Variants in PCDH11X observed in about 807,000 individuals in gnomAD.
PCDH11X encodes protocadherin 11 X-linked.
PCDH11X carries 18 observed loss-of-function variants against 53.3 expected under a neutral mutation model. The observed-to-expected ratio is 0.34, with a 90% CI of 0.23 to 0.50. The LOEUF (loss-of-function observed/expected upper bound fraction) is 0.50, where lower values mean the gene tolerates loss of function less well. Ranked by LOEUF, PCDH11X falls within the 20% of genes least tolerant of loss-of-function variation. PCDH11X has a pLI of 0.98. For missense variants in PCDH11X, 570 were observed against 1,032.4 expected (o/e 0.55, Z 6.14); for synonymous variants, 279 against 393.3 (o/e 0.71, Z 3.44).
chrX:91,786,902 T>C (rs1935353740), intron 1 of PCDH11X, among the ~76,000 whole-genome samples: 1 of 111,511 alleles, frequency 9.0e-6, no homozygotes, highest in East Asian at 2.8e-4. Context: ...ATATAATGTG[T>C]CTTGGATTAA....
Position 91,809,151 on chromosome X carries a change from CA to C in PCDH11X, c.-378-311del, listed in dbSNP as rs779774453. On this transcript the variant is annotated intron_variant, in intron 1 of 10. Coordinates refer to ENST00000682573, the MANE Select transcript of PCDH11X (RefSeq NM_032968.5). ...CTAACTTCTTCAGTCATTCACACTT[CA>C]AAAGCTTTGGACTATTTCCTCTTCC... 7.4e-3 allele frequency among the ~76,000 whole-genome samples: 815 copies of C among 110,422 alleles called. 12 individuals are homozygous for C. The highest frequency in any genetic ancestry group is 0.023 in the African/African-American group (682 of 30,294).
chrX:91,944,087 A>G (rs1255931669), intron 6 of PCDH11X, among the ~76,000 whole-genome samples: 3 of 85,799 alleles, frequency 3.5e-5, no homozygotes, highest in Admixed American at 3.4e-4. Flanking sequence ...TCAGTGCTTA[A>G]TAACAGACTT....
intron 9 of PCDH11X, among the ~76,000 whole-genome samples, chrX:92,467,966 C>T (rs2073188467): frequency 9.0e-6 from 1 of 111,362 alleles, no homozygotes; most frequent in African/African-American, 3.3e-5. Context: ...CTGTACTTAG[C>T]CATCACAGGC....
chrX:92,076,528 G>A (rs1345790044), intron 6 of PCDH11X, among the ~76,000 whole-genome samples: 7 of 110,775 alleles, frequency 6.3e-5, no homozygotes, highest in Non-Finnish European at 1.3e-4. Context: ...TAGAATAGAC[G>A]TGTTAAATGG....
At chrX:92,149,529 A>G (rs747362236) in intron 6 of PCDH11X, among the ~76,000 whole-genome samples, 1 of 107,130 alleles carries the variant, frequency 9.3e-6, no homozygotes, top group South Asian at 4.1e-4. Context: ...CATAATCACA[A>G]ACCAAATTCC....
chrX:92,575,967 A>T (rs1318563741), intron 10 of PCDH11X, among the ~76,000 whole-genome samples: 3 of 64,774 alleles, frequency 4.6e-5, no homozygotes, highest in Non-Finnish European at 8.4e-5. Flanking sequence ...ACACACACAC[A>T]CACCTGGGGT....
intron 7 of PCDH11X, 63 bp downstream of exon 7, chrX:92,201,518 A>G: frequency 1.4e-6 from 1 of 705,731 alleles, no homozygotes; most frequent in South Asian, 2.7e-5. Flanking sequence ...ATAAATGTAT[A>G]AGGAATACTC....
At chrX:91,892,773 C>G (rs1370389568) in intron 6 of PCDH11X, among the ~76,000 whole-genome samples, 1 of 107,560 alleles carries the variant, frequency 9.3e-6, no homozygotes, top group African/African-American at 3.4e-5. Context: ...ACGATCTTGG[C>G]TCACGGCAAC....
intron 6 of PCDH11X, among the ~76,000 whole-genome samples, chrX:91,959,477 C>A (rs1263660513): frequency 1.8e-5 from 2 of 110,296 alleles, no homozygotes; most frequent in African/African-American, 6.6e-5. Flanking sequence ...CATCCACCAT[C>A]CTATTCTGTT....
chrX:92,543,114 T>G (rs2074784690), intron 10 of PCDH11X, among the ~76,000 whole-genome samples: 1 of 105,364 alleles, frequency 9.5e-6, no homozygotes, highest in South Asian at 4.4e-4. Context: ...TTTCTACAAG[T>G]ATTTAAAAAA....
intron 8 of PCDH11X, among the ~76,000 whole-genome samples, chrX:92,336,435 G>A (rs1225016680): frequency 8.9e-6 from 1 of 111,801 alleles, no homozygotes; most frequent in African/African-American, 3.2e-5. Flanking sequence ...ACTGTTTATT[G>A]CATATATGTG....
intron 8 of PCDH11X, among the ~76,000 whole-genome samples, chrX:92,273,658 G>A (rs1569450454): frequency 9.0e-6 from 1 of 111,000 alleles, no homozygotes; most frequent in Admixed American, 9.6e-5. Context: ...GGAACCTAGA[G>A]TGGGAGAGAT....
Position 92,288,029 on chromosome X carries a change from G to A in PCDH11X, c.3144+24886G>A, listed in dbSNP as rs1161452773. On this transcript the variant is annotated intron_variant, in intron 8 of 10. Coordinates refer to ENST00000682573, the MANE Select transcript of PCDH11X (RefSeq NM_032968.5). ...TAAGTTTCCTGAGGCTTCCCTAGAA[G>A]CATAAACCTGTATAGCCTGCAAAAC... The A allele has an allele frequency of 1.2e-5, 6 of 514,761 alleles. No homozygotes were observed. The South Asian group carries it at 1.5e-4, about 13-fold the overall frequency. 42.4% of individuals were successfully genotyped at this position (514,761 alleles called of 1,213,427 possible). A position where few individuals can be genotyped will look rare whatever the true frequency, so the allele number is the denominator to read the frequency against.
intron 10 of PCDH11X, among the ~76,000 whole-genome samples, chrX:92,576,713 TTTTG>T (rs1172671895): frequency 8.7e-4 from 95 of 109,249 alleles, no homozygotes; most frequent in African/African-American, 3.1e-3. Context: ...AATGCCTTAA[TTTTG>T]TTTGCCTGTT....
intron 6 of PCDH11X, among the ~76,000 whole-genome samples, chrX:92,155,842 A>T (rs1364343464): frequency 9.4e-6 from 1 of 106,724 alleles, no homozygotes; most frequent in Non-Finnish European, 1.9e-5. Context: ...ATTTGCCAGG[A>T]TGGTCTCGAT....
At chrX:91,844,094 G>A (rs1008872277) in intron 5 of PCDH11X, among the ~76,000 whole-genome samples, 11 of 111,357 alleles carry the variant, frequency 9.9e-5, no homozygotes, top group Non-Finnish European at 1.9e-4. Context: ...AATAGTTATG[G>A]GTTTTACTCT....
At chrX:92,533,649 G>T (rs1004164845) in intron 10 of PCDH11X, among the ~76,000 whole-genome samples, 1 of 103,553 alleles carries the variant, frequency 9.7e-6, no homozygotes, top group Admixed American at 1.1e-4. Context: ...TTGCTAATTT[G>T]CTCTCTCAAA....
rs193242706 is a variant in PCDH11X, at chrX:92,194,855, A to G, written c.3034-6520A>G. On this transcript the variant is annotated intron_variant, in intron 6 of 10. Transcript: ENST00000682573. ...ACTGTGAATATTTCAACATGTCCAG[A>G]TAATCTGTGTGAAAAGCATTGTTCT... Among the ~76,000 whole-genome samples, 3 of 111,299 alleles carry G rather than the reference A, an allele frequency of 2.7e-5. No individual in the cohort carries two copies. In the East Asian group the frequency reaches 8.5e-4, roughly 32 times the overall value.
chrX:92,172,978 A>G (rs2065847350), intron 6 of PCDH11X, among the ~76,000 whole-genome samples: 2 of 111,897 alleles, frequency 1.8e-5, no homozygotes, highest in Admixed American at 1.9e-4. Flanking sequence ...GTTTTTTCAT[A>G]AAATGTCCAA....
Sources: gnomAD v4.1 joint callset for allele counts (sites outside exome capture counted in the v4.1 genomes callset) on GRCh38, gnomAD v4.1.1 for gene constraint, MANE v1.5 for transcripts, NCBI Gene and HGNC (gene_info 2026-07-23, HGNC 2026-07-21) for gene names.